ALAD: variants seen among roughly 807,000 people sequenced by gnomAD.
The protein encoded by ALAD is delta-aminolevulinic acid dehydratase.
Under a neutral mutation model 44.4 loss-of-function variants are expected in ALAD, and 20 were observed. The observed-to-expected ratio is 0.45, with a 90% CI of 0.32 to 0.65. The LOEUF is 0.65. Among genes scored for constraint, ALAD ranks in the 30% least tolerant of loss-of-function variants. ALAD has a pLI of 0.05. For synonymous variants in ALAD, 156 were observed against 167.9 expected, an observed-to-expected ratio of 0.93 and a Z score of 0.55; for missense variants, 323 against 445.7, an observed-to-expected ratio of 0.72 and a Z score of 2.48.
At chr9:113,389,409 AG>A (rs762349071) in intron 10 of ALAD, 28 bp downstream of exon 10, 5 of 1,611,296 alleles carry the variant, frequency 3.1e-6, no homozygotes, top group Non-Finnish European at 3.4e-6. Context: ...CAGCCCCCTG[AG>A]CCCCCTTTGC....
chr9:113,394,573 A>G (rs945099777), intron 1 of ALAD, among the ~76,000 whole-genome samples: 8 of 150,112 alleles, frequency 5.3e-5, no homozygotes, highest in Admixed American at 5.3e-4. Context: ...GCATTTTATC[A>G]AAGAATCAAT....
chr9:113,390,960 T>C (rs765122536), intron 4 of ALAD, 27 bp from the exon 5 acceptor site: 10 of 1,613,730 alleles, frequency 6.2e-6, no homozygotes, highest in Admixed American at 3.3e-5. Flanking sequence ...GACAAAGCAG[T>C]GTGTCTATTA....
At position 113,388,962 on chromosome 9, in the gene ALAD, C is replaced by T. The variant is rs886063364; in HGVS notation, c.931+15G>A. ...CTGTGGCGCAGGTCAAAACACCCCA[C>T]CCTTGCCTGCCTACCTGCTCTGCGG... On this transcript the variant is annotated intron_variant, in intron 11 of 11. Coordinates refer to ENST00000409155, the MANE Select transcript of ALAD (RefSeq NM_000031.6). The T allele has an allele frequency of 3.7e-6, 6 of 1,613,796 alleles. No individual in the cohort carries two copies. The East Asian group carries it at 1.1e-4, about 30-fold the overall frequency.
chr9:113,394,782 C>A (rs893677022), intron 1 of ALAD, among the ~76,000 whole-genome samples: 1 of 151,752 alleles, frequency 6.6e-6, no homozygotes, highest in African/African-American at 2.4e-5. Flanking sequence ...CCGGGCATGG[C>A]GGCTCACACC....
intron 7 of ALAD, among the ~76,000 whole-genome samples, chr9:113,390,127 T>C (rs1035699505): frequency 1.3e-5 from 2 of 152,158 alleles, no homozygotes; most frequent in Non-Finnish European, 2.9e-5. Flanking sequence ...GTTCAAGCGA[T>C]TCTCCTGCCT....
chr9:113,392,388 AC>A, intron 2 of ALAD: 1 of 1,335,836 alleles, frequency 7.5e-7, no homozygotes, highest in South Asian at 1.5e-5. Flanking sequence ...TAGCAACTGT[AC>A]TAAAAGAACG....
In ALAD at chr9:113,388,066, C is replaced by A. The variant is rs1023159630; in HGVS notation, c.*234G>T. On this transcript the variant is annotated 3_prime_UTR_variant, in exon 12 of 12. Transcript: ENST00000409155. ...CTGAGGGTGGCAAAGGTGGGCCTCA[C>A]GGCTGACCCAGGGGAGGGGCGGGGA... The A allele has an allele frequency of 3.5e-6, 2 of 577,944 alleles. No homozygotes were observed. The highest frequency in any genetic ancestry group is 6.3e-6 in the Non-Finnish European group (2 of 317,408). 35.8% of individuals were successfully genotyped at this position (577,944 alleles called of 1,614,324 possible).
rs121912983 is a variant in ALAD at position 113,389,088 on chromosome 9, C to T, written c.820G>A (p.Ala274Thr). ...VKDKHPDLPL[A>T]VYHVSGEFAM... ...AACTCTCCAGAGACGTGGTACACGG[C>T]GAGAGGGAGGTCAGGGTGCTGCAGG... Residue 274 changes from alanine (A) to threonine (T), a missense_variant, in exon 11 of 12, where the codon GCC (alanine) becomes ACC (threonine). Coordinates refer to ENST00000409155, the MANE Select transcript of ALAD (RefSeq NM_000031.6). 6.2e-6 allele frequency: 10 copies of T among 1,613,848 alleles called. No individual in the cohort carries two copies. The highest frequency in any genetic ancestry group is 1.7e-5 in the Admixed American group (1 of 60,004).
rs978987336 is a variant in ALAD at position 113,389,250 on chromosome 9, C to CTTTA, written c.802-145_802-144insTAAA. On this transcript the variant is annotated intron_variant, in intron 10 of 11. Transcript: ENST00000409155. ...GCTGGCAGCCTGGCCCACTCTTGAA[C>CTTTA]TGTTAAAGCAGGGCTGTTTGAGGCT... The CTTTA allele has an allele frequency of 2.9e-6, 4 of 1,400,250 alleles. No homozygotes were observed. The African/African-American group carries it at 5.7e-5, about 20-fold the overall frequency. The allele number at this position is 1,400,250 out of a possible 1,614,324, so 86.7% of individuals were successfully genotyped here.
intron 3 of ALAD, 97 bp downstream of exon 3, chr9:113,392,022 T>A: frequency 2.5e-6 from 3 of 1,220,082 alleles, no homozygotes; most frequent in African/African-American, 1.5e-5. Flanking sequence ...TCTGTCCGCA[T>A]CTTCTACTTC....
At chr9:113,400,282 T>C (rs988278510) in intron 1 of ALAD, among the ~76,000 whole-genome samples, 5 of 152,184 alleles carry the variant, frequency 3.3e-5, no homozygotes, top group Admixed American at 2.6e-4. Context: ...GTGCCCACCA[T>C]GACACCTCCA....
intron 1 of ALAD, among the ~76,000 whole-genome samples, chr9:113,400,426 T>C (rs1646329453): frequency 6.6e-6 from 1 of 152,218 alleles, no homozygotes; most frequent in Admixed American, 6.5e-5. Flanking sequence ...GTCTGATAGA[T>C]GTGGGTACAA....
chr9:113,393,609 C>T lies in ALAD; in HGVS notation c.-50G>A, dbSNP rs1391075346. ...CATCAGTTGGTTGGAACCGAGGGCT[C>T]CTGGGGCATTGGCTGCAGGCTCTGT... On this transcript the variant is annotated 5_prime_UTR_variant, in exon 2 of 12. Transcript: ENST00000409155. 2 of 1,496,682 alleles carry T rather than the reference C, an allele frequency of 1.3e-6. No individual in the cohort carries two copies. Among genetic ancestry groups the T allele is most frequent in the East Asian group, 2.3e-5 (1 of 44,230 alleles). The allele number at this position is 1,496,682 out of a possible 1,614,324, so 92.7% of individuals were successfully genotyped here. A position where few individuals can be genotyped will look rare whatever the true frequency, so the allele number is the denominator to read the frequency against.
Position 113,388,272 on chromosome 9 carries a change from C to A in ALAD, c.*28G>T. 6.2e-7 allele frequency: 1 copy of A among 1,613,278 alleles called. No individual in the cohort carries two copies. Among genetic ancestry groups the A allele is most frequent in the East Asian group, 2.2e-5 (1 of 44,874 alleles). On this transcript the variant is annotated 3_prime_UTR_variant, in exon 12 of 12. Coordinates refer to ENST00000409155, the MANE Select transcript of ALAD (RefSeq NM_000031.6). ...GAGGCCCCGGGAACGTTTTAAAGTT[C>A]TAGTTCTTGGGCCTGGCACTGTCTC...
Position 113,390,581 on chromosome 9 carries a change from T to TG in ALAD, c.481+11dup. 1 of 1,614,034 alleles carries TG rather than the reference T, an allele frequency of 6.2e-7. No individual in the cohort carries two copies. Among genetic ancestry groups the TG allele is most frequent in the Non-Finnish European group, 8.5e-7 (1 of 1,180,002 alleles). On this transcript the variant is annotated intron_variant, in intron 6 of 11. Coordinates refer to ENST00000409155, the MANE Select transcript of ALAD (RefSeq NM_000031.6). ...ACCCAGAGGTGCCCATCCCTGCTGG[T>TG]GGTTCACTCACCTGCCTTGGCATAC...
chr9:113,394,452 C>G (rs1470672669), intron 1 of ALAD, among the ~76,000 whole-genome samples: 1 of 151,590 alleles, frequency 6.6e-6, no homozygotes, highest in Non-Finnish European at 1.5e-5. Context: ...GCAAGAGGAT[C>G]GCTTGAGCCC....
At chr9:113,395,081 G>T (rs550150075) in intron 1 of ALAD, among the ~76,000 whole-genome samples, 12 of 152,016 alleles carry the variant, frequency 7.9e-5, no homozygotes, top group Admixed American at 7.9e-4. Context: ...AAAGAAAAGA[G>T]AAAAGTACTT....
intron 1 of ALAD, chr9:113,397,376 C>G (rs1827757916): frequency 6.6e-6 from 1 of 152,162 alleles, no homozygotes; most frequent in Non-Finnish European, 1.5e-5. Flanking sequence ...TCAGCCATCT[C>G]AGGGGCCCAT....
chr9:113,390,708 AC>A (rs1827554690), intron 5 of ALAD, 32 bp from the exon 6 acceptor site: 1 of 1,608,800 alleles, frequency 6.2e-7, no homozygotes, highest in Non-Finnish European at 8.5e-7. Context: ...TTTGGGGAGC[AC>A]CTTGGGCCCT....
Sources: allele counts gnomAD v4.1 joint callset (sites outside exome capture counted in the v4.1 genomes callset), GRCh38; gene constraint gnomAD v4.1.1; transcripts MANE v1.5; gene names NCBI Gene and HGNC (gene_info 2026-07-23, HGNC 2026-07-21).